ARHGAP30: variants seen among roughly 807,000 people sequenced by gnomAD.
ARHGAP30 encodes Rho GTPase activating protein 30.
A neutral mutation model predicts 72.0 loss-of-function variants in ARHGAP30; 23 were observed. The observed-to-expected ratio is 0.32, with a 90% CI of 0.23 to 0.45. The LOEUF is 0.45. Ranked by LOEUF, ARHGAP30 falls within the 20% of genes least tolerant of loss-of-function variation. The pLI is 1.00. For missense variants in ARHGAP30, 1,319 were observed against 1,383.4 expected, an observed-to-expected ratio of 0.95 and a Z score of 0.74; for synonymous variants, 576 against 528.2, an observed-to-expected ratio of 1.09 and a Z score of -1.24.
In ARHGAP30 at chr1:161,047,766, C is replaced by T. The variant is rs2774279; in HGVS notation, c.3255G>A (p.Arg1085=). 492,747 of 1,565,260 alleles carry T rather than the reference C, an allele frequency of 0.31. 80,395 individuals carry two copies. Among genetic ancestry groups the T allele is most frequent in the Non-Finnish European group, 0.34 (396,569 of 1,159,458 alleles). ...VPDPLLSSQR[R]SYAFETQANP... is the part of the protein sequence containing the mutation. Reference sequence around the variant, plus strand: ...TAGCCTGTGTTTCAAATGCATATGACCTGCGCTGAGAGGACAACAGGGGGT... The same window carrying T: ...TAGCCTGTGTTTCAAATGCATATGATCTGCGCTGAGAGGACAACAGGGGGT... Residue 1085 remains arginine, a synonymous_variant, in exon 12 of 12, where the codon AGG becomes AGA. Transcript: ENST00000368013.
rs1480833321 is a variant in ARHGAP30, at chr1:161,053,466, C to G, written c.537-81G>C. On this transcript the variant is annotated intron_variant, in intron 5 of 11. Coordinates refer to ENST00000368013, the MANE Select transcript of ARHGAP30 (RefSeq NM_001025598.2). ...ATTCTCCCTGAAAATACCTTATTCT[C>G]TCTCTCTCTCTCTCTCTCTCTCTCT... 13 of 484,796 alleles carry G rather than the reference C, an allele frequency of 2.7e-5. No individual in the cohort carries two copies. The African/African-American group carries it at 3.6e-4, about 14-fold the overall frequency. 30.0% of individuals were successfully genotyped at this position (484,796 alleles called of 1,614,324 possible). A position where few individuals can be genotyped will look rare whatever the true frequency, so the allele number is the denominator to read the frequency against.
chr1:161,048,222 C>T lies in ARHGAP30; in HGVS notation c.2799G>A (p.Gln933=). The T allele has an allele frequency of 1.2e-6, 2 of 1,614,206 alleles. No homozygotes were observed. Among genetic ancestry groups the T allele is most frequent in the Non-Finnish European group, 1.7e-6 (2 of 1,180,038 alleles). ...RLASTLVQVQ[Q]VRSVPVVPPK... The stretch of plus-strand genomic sequence containing the variant: ...GGGGCACCACAGGCACAGAGCGGAC[C>T]TGTTGGACCTGAACCAGAGTGGAAG... The change falls in exon 12 of 12, where the codon CAG becomes CAA. Residue 933 remains glutamine (Q), a synonymous_variant. Transcript: ENST00000368013.
rs542240842 is a variant in ARHGAP30, at chr1:161,048,408, C to T, written c.2613G>A (p.Glu871=). ...GATTGCCCTCTTTGGCACAGTCAAC[C>T]TCCAGGGACGCTACACCTGAACCTT... ...LSEGSGVASL[E]VDCAKEGNPH... is the part of the protein sequence containing the mutation. Residue 871 remains glutamate, a synonymous_variant, in exon 12 of 12, where the codon GAG becomes GAA. Coordinates refer to ENST00000368013, the MANE Select transcript of ARHGAP30 (RefSeq NM_001025598.2). 1 of 1,614,144 alleles carries T rather than the reference C, an allele frequency of 6.2e-7. No individual in the cohort carries two copies. Among genetic ancestry groups the T allele is most frequent in the Non-Finnish European group, 8.5e-7 (1 of 1,180,028 alleles).
chr1:161,055,804 T>TAATAAAATAAAATAA (rs1164321296), intron 3 of ARHGAP30, among the ~76,000 whole-genome samples: 148 of 45,096 alleles, frequency 3.3e-3, no homozygotes, highest in South Asian at 0.012. Flanking sequence ...TAAAATAAAA[T>TAATAAAATAAAATAA]AATAAAATAA....
chr1:161,060,711 T>C (rs1486667241), intron 1 of ARHGAP30, among the ~76,000 whole-genome samples: 8 of 147,528 alleles, frequency 5.4e-5, no homozygotes, highest in Non-Finnish European at 9.0e-5. Flanking sequence ...TTTTTTTTTT[T>C]TTTTTTTTGA....
intron 1 of ARHGAP30, among the ~76,000 whole-genome samples, chr1:161,068,610 G>T (rs1399880494): frequency 6.6e-6 from 1 of 152,176 alleles, no homozygotes; most frequent in Non-Finnish European, 1.5e-5. Context: ...TCTCTAGGAG[G>T]AGCTTGAAGT....
At chr1:161,064,852 AAGGAAGGAG>A (rs140825765) in intron 1 of ARHGAP30, among the ~76,000 whole-genome samples, 26,560 of 130,896 alleles carry the variant, frequency 0.2, 3,211 homozygotes, top group Middle Eastern at 0.27. Flanking sequence ...AAAGAAAGGA[AAGGAAGGAG>A]AGGAAGGAGA....
chr1:161,059,258 A>G (rs893041838), intron 2 of ARHGAP30, among the ~76,000 whole-genome samples: 10 of 151,444 alleles, frequency 6.6e-5, no homozygotes, highest in Admixed American at 3.3e-4. Flanking sequence ...TGAACTCCTG[A>G]CCTCAGGTGA....
intron 1 of ARHGAP30, among the ~76,000 whole-genome samples, chr1:161,065,868 CTTATTTATTTAT>C (rs376275626): frequency 1.2e-3 from 154 of 133,248 alleles, no homozygotes; most frequent in Middle Eastern, 3.8e-3. Flanking sequence ...CACCCGGCCC[CTTATTTATTTAT>C]TTATTTATTT....
At chr1:161,062,777 A>G (rs1652413735) in intron 1 of ARHGAP30, among the ~76,000 whole-genome samples, 1 of 151,424 alleles carries the variant, frequency 6.6e-6, no homozygotes, top group Admixed American at 6.6e-5. Flanking sequence ...CCAATTCCAA[A>G]CCTTTTTCTT....
At position 161,048,103 on chromosome 1, in the gene ARHGAP30, C is replaced by G; in HGVS notation, c.2918G>C (p.Gly973Ala). ...CCCCCAAGCCCTTTCTCCAGGAGTC[C>G]CATCAAGCCGGCCAGGCCTCGGGCA... is the stretch of plus-strand genomic sequence containing the variant. ...NPCPRPGRLD[G>A]TPGERAWGSR... The change falls in exon 12 of 12, where the codon GGG (glycine) becomes GCG (alanine). Residue 973 changes from glycine to alanine, a missense_variant. Gly to Ala is a moderately conservative substitution (Grantham distance 60, BLOSUM62 0). Around this residue, in one of 2 missense-constraint regions of ARHGAP30, gnomAD observed 1,097 missense variants for 1,045.2 expected, o/e 1.05. Coordinates refer to ENST00000368013, the MANE Select transcript of ARHGAP30 (RefSeq NM_001025598.2). 6.2e-7 allele frequency: 1 copy of G among 1,614,168 alleles called. No homozygotes were observed. The highest frequency in any genetic ancestry group is 8.5e-7 in the Non-Finnish European group (1 of 1,180,026).
At chr1:161,053,687 C>T (rs1343997799) in intron 5 of ARHGAP30, among the ~76,000 whole-genome samples, 2 of 152,304 alleles carry the variant, frequency 1.3e-5, no homozygotes, top group South Asian at 2.1e-4. Context: ...AATTACAGGA[C>T]TTCTCATAGT....
At chr1:161,067,397 C>G (rs1408356408) in intron 1 of ARHGAP30, among the ~76,000 whole-genome samples, 1 of 152,048 alleles carries the variant, frequency 6.6e-6, no homozygotes, top group East Asian at 1.9e-4. Context: ...TGGTGAAACC[C>G]TGTCTCTACT....
Position 161,047,587 on chromosome 1 carries a change from AGCTGGAGGGC to A in ARHGAP30, c.*118_*127del. 1 of 1,017,152 alleles carries A rather than the reference AGCTGGAGGGC, an allele frequency of 9.8e-7. No individual in the cohort carries two copies. The highest frequency in any genetic ancestry group is 2.7e-5 in the South Asian group (1 of 36,668). 63.0% of individuals were successfully genotyped at this position (1,017,152 alleles called of 1,614,324 possible). On this transcript the variant is annotated 3_prime_UTR_variant, in exon 12 of 12. Transcript: ENST00000368013. ...AGTGCCTCCCACAGTCAAAGAGAGA[AGCTGGAGGGC>A]CAAAGCCTATAGAGTTGGGCACTAC...
chr1:161,053,961 A>G (rs1651636380), intron 5 of ARHGAP30, among the ~76,000 whole-genome samples: 2 of 152,162 alleles, frequency 1.3e-5, no homozygotes, highest in Admixed American at 6.5e-5. Flanking sequence ...CCAGCTACTC[A>G]GGAGGCTGAG....
chr1:161,060,097 A>G (rs1429143838), intron 1 of ARHGAP30: 1 of 358,250 alleles, frequency 2.8e-6, no homozygotes. Context: ...ACTGAGTAAC[A>G]TGCTGAAACT....
rs1387902195 is a variant in ARHGAP30, at chr1:161,054,571, G to A, written c.428+52C>T. 1.2e-5 allele frequency: 19 copies of A among 1,605,370 alleles called. No homozygotes were observed. In the East Asian group the frequency reaches 3.8e-4, roughly 32 times the overall value. On this transcript the variant is annotated intron_variant, in intron 4 of 11. Coordinates refer to ENST00000368013, the MANE Select transcript of ARHGAP30 (RefSeq NM_001025598.2). Reference sequence around the variant, plus strand: ...TAGGACCCAGTTAAGGCTCCAGGCAGCGAGTGAATGAGTTGTCTCAGGTTG... The same window carrying A: ...TAGGACCCAGTTAAGGCTCCAGGCAACGAGTGAATGAGTTGTCTCAGGTTG...
chr1:161,064,602 C>CA (rs1652550885), intron 1 of ARHGAP30, among the ~76,000 whole-genome samples: 2 of 151,636 alleles, frequency 1.3e-5, no homozygotes, highest in Admixed American at 1.3e-4. Flanking sequence ...CTACAAAAAA[C>CA]AAAAAATTAG....
rs768824421 is a variant in ARHGAP30 at position 161,052,638 on chromosome 1, A to G, written c.824T>C (p.Ile275Thr). The change falls in exon 7 of 12, where the codon ATT (isoleucine) becomes ACT (threonine). Residue 275 changes from isoleucine (I) to threonine (T), a missense_variant. Ile to Thr is a moderately conservative substitution (Grantham distance 89). Transcript: ENST00000368013. ...AAGGAGGCCTTACTTGTGCTCTGCA[A>G]TCTCGATGATAGTATGGTAGGGCCG... is the stretch of plus-strand genomic sequence containing the variant. ...QMRPYHTIIE[I>T]AEHKRKGSLK... 9 of 1,613,750 alleles carry G rather than the reference A, an allele frequency of 5.6e-6. No individual in the cohort carries two copies. The highest frequency in any genetic ancestry group is 5.0e-5 in the Admixed American group (3 of 59,972).
Sources: gnomAD v4.1 joint callset for allele counts (sites outside exome capture counted in the v4.1 genomes callset) on GRCh38, gnomAD v4.1.1 for gene constraint, gnomAD v4.1.1 regional missense constraint, MANE v1.5 for transcripts, NCBI Gene and HGNC (gene_info 2026-07-23, HGNC 2026-07-21) for gene names.